Variants in PCDHA4 observed in about 807,000 individuals in gnomAD.
PCDHA4 encodes protocadherin alpha 4.
PCDHA4 carries 49 observed loss-of-function variants against 61.4 expected under a neutral mutation model. That is an observed-to-expected ratio of 0.80 (90% CI 0.63 to 1.01). PCDHA4 has a LOEUF of 1.01. PCDHA4 is among the 50% of genes least tolerant of loss of function. The pLI is 0.00. For missense variants in PCDHA4, 1,254 were observed against 1,235.8 expected (o/e 1.01, Z -0.22); for synonymous variants, 590 against 550.3 (o/e 1.07, Z -1.01).
In PCDHA4 at chr5:140,879,581, G is replaced by A. The variant is rs537126502; in HGVS notation, c.2385+70009G>A. On this transcript the variant is annotated intron_variant, in intron 1 of 3. Transcript: ENST00000530339. ...ATGAAAGAATAAAATTGCCAAGACA[G>A]ACATTGAAAAGTGAAAAACAATGTG... Among the ~76,000 whole-genome samples the A allele has an allele frequency of 2.6e-5, 4 of 152,334 alleles. No individual in the cohort carries two copies. In the East Asian group the frequency reaches 7.7e-4, roughly 29 times the overall value.
rs2150335753 is a variant in PCDHA4, at chr5:140,842,424, T to A, written c.2385+32852T>A. On this transcript the variant is annotated intron_variant, in intron 1 of 3. Transcript: ENST00000530339. Reference sequence around the variant, plus strand: ...CGTGAAGACGCTCAATTTGGTACTGTCATCGCCCTAATTAGCGTGAACGAC... The same window carrying A: ...CGTGAAGACGCTCAATTTGGTACTGACATCGCCCTAATTAGCGTGAACGAC... 2 of 1,613,572 alleles carry A rather than the reference T, an allele frequency of 1.2e-6. No individual in the cohort carries two copies. Among genetic ancestry groups the A allele is most frequent in the East Asian group, 4.5e-5 (2 of 44,874 alleles).
rs2150323482 is a variant in PCDHA4 at position 140,841,819 on chromosome 5, C to A, written c.2385+32247C>A. Reference sequence around the variant, plus strand: ...CCGATGCAGATGTTGGAGCTAACTCCGTGTTAACCTACAGGCTTAGCTCTC... The same window carrying A: ...CCGATGCAGATGTTGGAGCTAACTCAGTGTTAACCTACAGGCTTAGCTCTC... On this transcript the variant is annotated intron_variant, in intron 1 of 3. Transcript: ENST00000530339. The A allele has an allele frequency of 3.1e-6, 5 of 1,613,874 alleles. No individual in the cohort carries two copies. The South Asian group carries it at 5.5e-5, about 18-fold the overall frequency.
chr5:140,867,911 T>C (rs2050196676), intron 1 of PCDHA4: 1 of 152,134 alleles, frequency 6.6e-6, no homozygotes. Context: ...GAAGGTATAA[T>C]TAAAAATCAC....
At chr5:140,835,863 CTGG>C in intron 1 of PCDHA4, 1 of 1,612,100 alleles carries the variant, frequency 6.2e-7, no homozygotes, top group Non-Finnish European at 8.5e-7. Context: ...GTCCTACTCG[CTGG>C]TGGAGCTGCG....
At chr5:140,932,247 G>A (rs1463272112) in intron 1 of PCDHA4, among the ~76,000 whole-genome samples, 2 of 151,822 alleles carry the variant, frequency 1.3e-5, no homozygotes, top group Non-Finnish European at 3.0e-5. Context: ...ATCTAAGAGG[G>A]TACCTCTGAG....
rs375455658 is a variant in PCDHA4, at chr5:140,863,185, G to T, written c.2385+53613G>T. 4.3e-3 allele frequency: 3,329 copies of T among 772,160 alleles called. 69 individuals are homozygous for T. Among genetic ancestry groups the T allele is most frequent in the South Asian group, 0.037 (2,838 of 76,536 alleles). 47.8% of individuals were successfully genotyped at this position (772,160 alleles called of 1,614,324 possible). A position where few individuals can be genotyped will look rare whatever the true frequency, so the allele number is the denominator to read the frequency against. ...GCTGGCGCTGACTGCCACCGTCACC[G>T]TGGTGGCGTCGCTGGCGGAGAGCAG... On this transcript the variant is annotated intron_variant, in intron 1 of 3. Transcript: ENST00000530339.
chr5:140,884,598 C>T (rs782317237), intron 1 of PCDHA4: 4 of 1,614,108 alleles, frequency 2.5e-6, no homozygotes. Flanking sequence ...CCCAGCCTTC[C>T]TCCTTGTCTG....
In PCDHA4 at chr5:140,843,009, C is replaced by T. The variant is rs2150350021; in HGVS notation, c.2385+33437C>T. ...GTGCTGGACGAGAATGACAACGCGC[C>T]GGCACTGCTGGAGCCTCGGGTGGGT... On this transcript the variant is annotated intron_variant, in intron 1 of 3. Coordinates refer to ENST00000530339, the MANE Select transcript of PCDHA4 (RefSeq NM_018907.4). 32 of 1,595,058 alleles carry T rather than the reference C, an allele frequency of 2.0e-5. 4 individuals carry two copies. In the Middle Eastern group the frequency reaches 6.8e-4, roughly 34 times the overall value.
At chr5:140,992,261 G>A (rs1056414788) in intron 3 of PCDHA4, among the ~76,000 whole-genome samples, 1 of 152,172 alleles carries the variant, frequency 6.6e-6, no homozygotes, top group Non-Finnish European at 1.5e-5. Context: ...AAAGATGAAA[G>A]TTCTTTTCGT....
intron 1 of PCDHA4, among the ~76,000 whole-genome samples, chr5:140,946,634 A>ATAT (rs1554217761): frequency 1.4e-5 from 2 of 147,350 alleles, no homozygotes; most frequent in Non-Finnish European, 3.0e-5. Context: ...ATATATATAC[A>ATAT]ATGGAATACT....
At chr5:140,935,358 A>C (rs2090329846) in intron 1 of PCDHA4, among the ~76,000 whole-genome samples, 1 of 152,220 alleles carries the variant, frequency 6.6e-6, no homozygotes, top group East Asian at 1.9e-4. Context: ...CCCAGTTTTC[A>C]TTAACGTCAA....
chr5:140,852,121 TA>T, intron 1 of PCDHA4: 1 of 901,518 alleles, frequency 1.1e-6, no homozygotes, highest in Non-Finnish European at 1.4e-6. Context: ...ATGACCTAAT[TA>T]AAAACTCAGT....
At chr5:140,926,472 T>G in intron 1 of PCDHA4, 1 of 163,134 alleles carries the variant, frequency 6.1e-6, no homozygotes, top group East Asian at 1.8e-4. Context: ...AAAACACCGT[T>G]TAAGGAGAGA....
chr5:140,871,180 G>C (rs376198166), intron 1 of PCDHA4: 48 of 1,613,470 alleles, frequency 3.0e-5, no homozygotes, highest in Non-Finnish European at 3.9e-5. Context: ...GGCTGCGCTG[G>C]TGGATGTCAA....
chr5:140,841,632 T>G lies in PCDHA4; in HGVS notation c.2385+32060T>G, dbSNP rs2150319799. On this transcript the variant is annotated intron_variant, in intron 1 of 3. Transcript: ENST00000530339. ...TGCGGGCGGAGCGCGGAGTGCAGCA[T>G]CCACCTGGAGGTGATCGTGGACAGG... is the stretch of plus-strand genomic sequence containing the variant. The G allele has an allele frequency of 8.1e-6, 13 of 1,614,152 alleles. No homozygotes were observed. In the Admixed American group the frequency reaches 1.8e-4, roughly 23 times the overall value.
intron 1 of PCDHA4, among the ~76,000 whole-genome samples, chr5:140,894,788 T>C (rs1217718306): frequency 2.0e-5 from 3 of 152,160 alleles, no homozygotes; most frequent in Admixed American, 1.3e-4. Flanking sequence ...TTATTTGTCC[T>C]CTCCTTTAAA....
intron 1 of PCDHA4, chr5:140,876,551 A>C: frequency 6.2e-7 from 1 of 1,614,184 alleles, no homozygotes; most frequent in Non-Finnish European, 8.5e-7. Flanking sequence ...CTCCCTGTGC[A>C]AGAGGATGCT....
chr5:140,888,077 A>T (rs575248983), intron 1 of PCDHA4, among the ~76,000 whole-genome samples: 2 of 152,238 alleles, frequency 1.3e-5, no homozygotes, highest in African/African-American at 4.8e-5. Flanking sequence ...TGCTAATTTC[A>T]ACATTTTTGT....
In PCDHA4 at chr5:140,870,868, G is replaced by T. The variant is rs550915753; in HGVS notation, c.2385+61296G>T. 2.5e-6 allele frequency: 4 copies of T among 1,613,944 alleles called. No homozygotes were observed. The South Asian group carries it at 3.3e-5, about 13-fold the overall frequency. ...ACCGCGGTCGGTGGGTGCGGGCCAC[G>T]TGGTGGCGAAGGTGCGCGCAGTGGA... On this transcript the variant is annotated intron_variant, in intron 1 of 3. Coordinates refer to ENST00000530339, the MANE Select transcript of PCDHA4 (RefSeq NM_018907.4).
Sources: gnomAD v4.1 joint callset for allele counts (sites outside exome capture counted in the v4.1 genomes callset) on GRCh38, gnomAD v4.1.1 for gene constraint, MANE v1.5 for transcripts, NCBI Gene and HGNC (gene_info 2026-07-23, HGNC 2026-07-21) for gene names.